Variants in EXOC5 observed in about 807,000 individuals in gnomAD.
The protein encoded by EXOC5 is SEC10-like 1.
In EXOC5, 17 loss-of-function variants were observed where a neutral mutation model predicts 90.8. The observed-to-expected ratio is 0.19, with a 90% CI of 0.13 to 0.28. The LOEUF (loss-of-function observed/expected upper bound fraction) is 0.28, where lower values mean the gene tolerates loss of function less well. EXOC5 is among the 10% of genes least tolerant of loss of function. The pLI is 1.00. For synonymous variants in EXOC5, 260 were observed against 270.0 expected (o/e 0.96, Z 0.36); for missense variants, 569 against 830.6 (o/e 0.69, Z 3.87).
intron 1 of EXOC5, among the ~76,000 whole-genome samples, chr14:57,263,771 A>C (rs947623515): frequency 6.6e-6 from 1 of 150,954 alleles, no homozygotes; most frequent in Admixed American, 6.6e-5. Flanking sequence ...AAGCAAAAAA[A>C]CAAAAAAACT....
Position 57,239,485 on chromosome 14 carries a change from A to C in EXOC5, c.530+110T>G, listed in dbSNP as rs944590374. On this transcript the variant is annotated intron_variant, in intron 5 of 17. Transcript: ENST00000621441. ...CAAGTAAATGAACCAGCAAGTGCTC[A>C]ATAAATTTCCGTTTAATTAATGGGC... is the stretch of plus-strand genomic sequence containing the variant. 1.6e-5 allele frequency: 11 copies of C among 672,762 alleles called. No individual in the cohort carries two copies. The African/African-American group carries it at 1.9e-4, about 11-fold the overall frequency. 41.7% of individuals were successfully genotyped at this position (672,762 alleles called of 1,614,324 possible). A position where few individuals can be genotyped will look rare whatever the true frequency, so the allele number is the denominator to read the frequency against.
intron 17 of EXOC5, 113 bp from the exon 18 acceptor site, chr14:57,208,910 T>A: frequency 1.6e-6 from 1 of 613,314 alleles, no homozygotes; most frequent in Admixed American, 2.9e-5. Context: ...TGGGTGAAGT[T>A]CAACATATTA....
chr14:57,241,154 CA>C (rs1387191644), intron 4 of EXOC5, among the ~76,000 whole-genome samples: 1 of 152,082 alleles, frequency 6.6e-6, no homozygotes, highest in Non-Finnish European at 1.5e-5. Context: ...ACGCCCTGCC[CA>C]ATATAGATTT....
intron 13 of EXOC5, among the ~76,000 whole-genome samples, chr14:57,220,373 A>G (rs1883092919): frequency 6.6e-6 from 1 of 152,170 alleles, no homozygotes; most frequent in Non-Finnish European, 1.5e-5. Flanking sequence ...ATATTGATGT[A>G]CTTTTTTTCT....
Position 57,200,878 on chromosome 14 carries a change from C to T in EXOC5, c.*7731G>A, listed in dbSNP as rs1041841867. ...TTTCTGCAATGACCATTCTTATTCCCTCAATTTGGTCCTAAAGCCAAAACT... is the reference window on the plus strand; with the variant it reads ...TTTCTGCAATGACCATTCTTATTCCTTCAATTTGGTCCTAAAGCCAAAACT... On this transcript the variant is annotated 3_prime_UTR_variant, in exon 18 of 18. Transcript: ENST00000621441. 2 of 151,628 alleles carry T rather than the reference C, an allele frequency of 1.3e-5. No individual in the cohort carries two copies. The highest frequency in any genetic ancestry group is 1.3e-4 in the Admixed American group (2 of 15,222). The allele number at this position is 151,628 out of a possible 1,614,324, so 9.4% of individuals were successfully genotyped here. A position where few individuals can be genotyped will look rare whatever the true frequency, so the allele number is the denominator to read the frequency against.
chr14:57,234,817 G>A lies in EXOC5; in HGVS notation c.670-785C>T, dbSNP rs191695762. On this transcript the variant is annotated intron_variant, in intron 7 of 17. Transcript: ENST00000621441. ...TGAGCTAAACTGATCCACCCGCCTC[G>A]GCCTCCCAAAATACTAGGATTACAG... Among the ~76,000 whole-genome samples the A allele has an allele frequency of 4.6e-5, 7 of 151,914 alleles. No individual in the cohort carries two copies. The East Asian group carries it at 9.7e-4, about 21-fold the overall frequency.
intron 1 of EXOC5, among the ~76,000 whole-genome samples, chr14:57,249,032 T>C (rs1301516450): frequency 6.6e-6 from 1 of 152,138 alleles, no homozygotes; most frequent in African/African-American, 2.4e-5. Flanking sequence ...TACTTAAAAA[T>C]TTTAGAAAAC....
intron 12 of EXOC5, 133 bp downstream of exon 12, chr14:57,229,601 T>C (rs1372837181): frequency 9.0e-6 from 4 of 443,322 alleles, no homozygotes; most frequent in African/African-American, 2.0e-5. Flanking sequence ...ATAGAATATA[T>C]GCAAATACTA....
intron 1 of EXOC5, among the ~76,000 whole-genome samples, chr14:57,258,231 T>A (rs2139666938): frequency 1.3e-5 from 2 of 152,278 alleles, no homozygotes; most frequent in African/African-American, 4.8e-5. Flanking sequence ...CATTCTACTA[T>A]AAAGACACAT....
chr14:57,267,302 C>G (rs17093036), intron 1 of EXOC5, among the ~76,000 whole-genome samples: 35,587 of 152,112 alleles, frequency 0.23, 9,873 homozygotes, highest in African/African-American at 0.67. Flanking sequence ...ATCCTTCATT[C>G]ACAAATTACT....
intron 15 of EXOC5, among the ~76,000 whole-genome samples, chr14:57,211,285 A>T (rs1882818006): frequency 6.6e-6 from 1 of 152,234 alleles, no homozygotes; most frequent in Admixed American, 6.5e-5. Flanking sequence ...TCCATGAATG[A>T]GCAACTGGAG....
chr14:57,233,924 C>G (rs779778714), intron 8 of EXOC5, 41 bp from the exon 9 acceptor site: 2 of 1,599,776 alleles, frequency 1.3e-6, no homozygotes, highest in Non-Finnish European at 1.7e-6. Context: ...CATATAATTT[C>G]TACATGATTT....
chr14:57,208,934 A>C (rs1882741178), intron 17 of EXOC5, 137 bp from the exon 18 acceptor site: 2 of 545,618 alleles, frequency 3.7e-6, no homozygotes, highest in South Asian at 6.0e-5. Flanking sequence ...TTTTTTAAAG[A>C]TCACAATGCA....
chr14:57,224,979 T>G (rs1162439782), intron 12 of EXOC5, among the ~76,000 whole-genome samples: 1 of 152,018 alleles, frequency 6.6e-6, no homozygotes, highest in Admixed American at 6.6e-5. Flanking sequence ...GGAGAATCGC[T>G]TGGACTGAAG....
chr14:57,201,653 G>A lies in EXOC5; in HGVS notation c.*6956C>T, dbSNP rs561403656. The A allele has an allele frequency of 4.7e-5, 7 of 149,868 alleles. No homozygotes were observed. The highest frequency in any genetic ancestry group is 1.7e-4 in the African/African-American group (7 of 41,108). 9.3% of individuals were successfully genotyped at this position (149,868 alleles called of 1,614,324 possible). A position where few individuals can be genotyped will look rare whatever the true frequency, so the allele number is the denominator to read the frequency against. The stretch of plus-strand genomic sequence containing the variant: ...TAATCCCAGGACTTTGGGAGGTTGA[G>A]GTGGGCAGATCACTTAAGGCTAGGA... On this transcript the variant is annotated 3_prime_UTR_variant, in exon 18 of 18. Coordinates refer to ENST00000621441, the MANE Select transcript of EXOC5 (RefSeq NM_006544.4).
intron 1 of EXOC5, among the ~76,000 whole-genome samples, chr14:57,256,284 C>A (rs1028175238): frequency 6.6e-6 from 1 of 152,076 alleles, no homozygotes; most frequent in African/African-American, 2.4e-5. Flanking sequence ...CTTAACACCC[C>A]CTCAACCAAT....
Position 57,202,788 on chromosome 14 carries a change from ACAT to A in EXOC5, c.*5818_*5820del. 6.6e-6 allele frequency: 1 copy of A among 152,326 alleles called. No individual in the cohort carries two copies. Among genetic ancestry groups the A allele is most frequent in the East Asian group, 1.9e-4 (1 of 5,186 alleles). 9.4% of individuals were successfully genotyped at this position (152,326 alleles called of 1,614,324 possible). On this transcript the variant is annotated 3_prime_UTR_variant, in exon 18 of 18. Coordinates refer to ENST00000621441, the MANE Select transcript of EXOC5 (RefSeq NM_006544.4). Reference sequence around the variant, plus strand: ...CTTGTTTACACACATGCACACACACACATAATTGGGATAGCAAAATGTTCATAG... The same window carrying A: ...CTTGTTTACACACATGCACACACACAAATTGGGATAGCAAAATGTTCATAG...
At position 57,201,538 on chromosome 14, in the gene EXOC5, CAT is replaced by C. The variant is rs1005621647; in HGVS notation, c.*7069_*7070del. 3.8e-5 allele frequency: 5 copies of C among 132,278 alleles called. 1 individual carries two copies. Among genetic ancestry groups the C allele is most frequent in the Admixed American group, 2.2e-4 (3 of 13,538 alleles). 8.2% of individuals were successfully genotyped at this position (132,278 alleles called of 1,614,324 possible). On this transcript the variant is annotated 3_prime_UTR_variant, in exon 18 of 18. Coordinates refer to ENST00000621441, the MANE Select transcript of EXOC5 (RefSeq NM_006544.4). ...TGTATATATATACACACACACCACA[CAT>C]ATACATATATTTTTATATATATTAA...
chr14:57,257,887 T>A (rs1003597256), intron 1 of EXOC5, among the ~76,000 whole-genome samples: 2 of 152,204 alleles, frequency 1.3e-5, no homozygotes, highest in Middle Eastern at 3.4e-3. Context: ...TGTAAAAAAA[T>A]TTTTAAATCC....
Sources: gnomAD v4.1 joint callset for allele counts (sites outside exome capture counted in the v4.1 genomes callset) on GRCh38, gnomAD v4.1.1 for gene constraint, MANE v1.5 for transcripts, NCBI Gene and HGNC (gene_info 2026-07-23, HGNC 2026-07-21) for gene names.